The following LIPN variants were observed in gnomAD, a reference collection of about 807,000 sequenced individuals.
LIPN encodes lipase family member N.
Under a neutral mutation model 43.7 loss-of-function variants are expected in LIPN, and 32 were observed. The ratio of observed to expected loss-of-function variants is 0.73; its 90% CI spans 0.55 to 0.98. The LOEUF is 0.98. Among genes scored for constraint, LIPN ranks in the 50% least tolerant of loss-of-function variants. LIPN has a pLI of 0.00. For missense variants in LIPN, 505 were observed against 483.8 expected (o/e 1.04, Z -0.41); for synonymous variants, 156 against 157.6 (o/e 0.99, Z 0.08).
chr10:88,766,671 G>A (rs1358673433), intron 5 of LIPN, among the ~76,000 whole-genome samples: 2 of 151,934 alleles, frequency 1.3e-5, no homozygotes, highest in Non-Finnish European at 2.9e-5. Context: ...ATTCCACAGA[G>A]TAAGTTTCTA....
chr10:88,775,799 C>A (rs1423153428), intron 9 of LIPN, among the ~76,000 whole-genome samples: 1 of 151,922 alleles, frequency 6.6e-6, no homozygotes, highest in Non-Finnish European at 1.5e-5. Flanking sequence ...ATGAACTAAG[C>A]AAACTAAATT....
intron 6 of LIPN, 112 bp from the exon 7 acceptor site, chr10:88,770,733 T>C (rs1843191067): frequency 3.3e-6 from 2 of 601,482 alleles, no homozygotes; most frequent in East Asian, 5.9e-5. Flanking sequence ...GTTGTCCTTG[T>C]TGTTGCTATT....
At chr10:88,776,483 A>C (rs1044606987) in intron 9 of LIPN, among the ~76,000 whole-genome samples, 1 of 152,114 alleles carries the variant, frequency 6.6e-6, no homozygotes, top group Non-Finnish European at 1.5e-5. Flanking sequence ...ATTTGTCCAC[A>C]GTTAGCTGGT....
At chr10:88,764,140 T>C (rs1342562742) in intron 3 of LIPN, among the ~76,000 whole-genome samples, 1 of 151,904 alleles carries the variant, frequency 6.6e-6, no homozygotes, top group East Asian at 1.9e-4. Flanking sequence ...GTTTATAGAG[T>C]TGTTGCAAGA....
At chr10:88,773,758 T>C (rs761931452) in intron 7 of LIPN, among the ~76,000 whole-genome samples, 3 of 151,968 alleles carry the variant, frequency 2.0e-5, no homozygotes, top group Non-Finnish European at 4.4e-5. Context: ...CTGAAACCCA[T>C]AAGGAACCAT....
At chr10:88,766,433 G>A (rs1001998053) in intron 5 of LIPN, 55 bp downstream of exon 5, 2 of 1,008,238 alleles carry the variant, frequency 2.0e-6, no homozygotes, top group African/African-American at 3.2e-5. Flanking sequence ...TTTTCTCAGA[G>A]TCTTACAGGA....
chr10:88,772,980 C>T (rs1039229344), intron 7 of LIPN, among the ~76,000 whole-genome samples: 1 of 150,986 alleles, frequency 6.6e-6, no homozygotes, highest in African/African-American at 2.4e-5. Flanking sequence ...AACTATAAAA[C>T]ACTGATGAAA....
intron 5 of LIPN, among the ~76,000 whole-genome samples, chr10:88,766,991 C>CTTCTTAATTTACTTACTT (rs1394468237): frequency 6.6e-6 from 1 of 151,914 alleles, no homozygotes; most frequent in African/African-American, 2.4e-5. Flanking sequence ...TGACAACTTA[C>CTTCTTAATTTACTTACTT]TTCTTAATTT....
At chr10:88,766,414 G>A (rs1303746821) in intron 5 of LIPN, 36 bp downstream of exon 5, 2 of 1,261,190 alleles carry the variant, frequency 1.6e-6, no homozygotes, top group African/African-American at 1.5e-5. Context: ...GTGTGTTTTT[G>A]AGGGTCAGTT....
chr10:88,762,806 C>T (rs1214822853), intron 3 of LIPN, among the ~76,000 whole-genome samples: 4 of 152,032 alleles, frequency 2.6e-5, no homozygotes, highest in Admixed American at 1.3e-4. Context: ...AAAACCTTAA[C>T]ATCCACATAC....
intron 6 of LIPN, 114 bp from the exon 7 acceptor site, chr10:88,770,728 CCTT>C: frequency 1.7e-6 from 1 of 583,552 alleles, no homozygotes; most frequent in South Asian, 3.0e-5. Flanking sequence ...GGCTTGTTGT[CCTT>C]GTTGTTGCTA....
rs939827679 is a variant in LIPN, at chr10:88,778,890, C to A, written c.*648C>A. 6.6e-6 allele frequency among the ~76,000 whole-genome samples: 1 copy of A among 152,236 alleles called. No individual in the cohort carries two copies. Among genetic ancestry groups the A allele is most frequent in the South Asian group, 2.1e-4 (1 of 4,832 alleles). ...CTTATTAAAGCAGAAATAAATTGTA[C>A]AGCATCAATATCATTTTATAATCAT... On this transcript the variant is annotated 3_prime_UTR_variant, in exon 10 of 10. Transcript: ENST00000404459.
intron 7 of LIPN, among the ~76,000 whole-genome samples, chr10:88,773,351 T>C (rs974877941): frequency 5.3e-5 from 8 of 151,898 alleles, no homozygotes; most frequent in African/African-American, 1.9e-4. Context: ...CTTACTACAG[T>C]CAATTTGAAT....
intron 5 of LIPN, 120 bp downstream of exon 5, chr10:88,766,498 T>C (rs1221289745): frequency 1.4e-6 from 1 of 713,218 alleles, no homozygotes; most frequent in Non-Finnish European, 2.5e-6. Context: ...CTCAATTCCC[T>C]GTCCTCTGCT....
rs1843094797 is a variant in LIPN, at chr10:88,766,271, T to A, written c.428T>A (p.Phe143Tyr). 1 of 1,556,518 alleles carries A rather than the reference T, an allele frequency of 6.4e-7. No individual in the cohort carries two copies. The highest frequency in any genetic ancestry group is 8.8e-7 in the Non-Finnish European group (1 of 1,132,146). The change falls in exon 5 of 10, where the codon TTT becomes TAT. Residue 143 changes from phenylalanine (F) to tyrosine (Y), a missense_variant and splice_region_variant. Coordinates refer to ENST00000404459, the MANE Select transcript of LIPN (RefSeq NM_001102469.2). ...ETDEKFWAFSFDEMAKYDLPG... is the reference protein window; with the variant it reads ...ETDEKFWAFSYDEMAKYDLPG... The stretch of plus-strand genomic sequence containing the variant: ...AAAGCCCCTGTTTTATTTTGCAGTT[T>A]TGATGAAATGGCCAAATATGATCTC...
chr10:88,774,511 T>C lies in LIPN; in HGVS notation c.858T>C (p.Gly286=), dbSNP rs1286246198. Residue 286 remains glycine, a synonymous_variant, in exon 8 of 10, where the codon GGT becomes GGC. Coordinates refer to ENST00000404459, the MANE Select transcript of LIPN (RefSeq NM_001102469.2). ...TGTATATGTCACATGCTCCCACTGG[T>C]TCATCAGTACACAACATTCTGCATA... ...MDVYMSHAPT[G]SSVHNILHIK... 2 of 1,611,290 alleles carry C rather than the reference T, an allele frequency of 1.2e-6. No homozygotes were observed. Among genetic ancestry groups the C allele is most frequent in the Non-Finnish European group, 1.7e-6 (2 of 1,178,062 alleles).
intron 1 of LIPN, among the ~76,000 whole-genome samples, chr10:88,760,750 G>A (rs751806479): frequency 6.6e-6 from 1 of 152,080 alleles, no homozygotes; most frequent in Non-Finnish European, 1.5e-5. Context: ...TTCTTCTGTG[G>A]TGAGGCTGGA....
In LIPN at chr10:88,778,334, GCACC is replaced by G; in HGVS notation, c.*94_*97del. 2.8e-5 allele frequency: 24 copies of G among 851,894 alleles called. No homozygotes were observed. Among genetic ancestry groups the G allele is most frequent in the Non-Finnish European group, 3.9e-5 (21 of 540,094 alleles). The allele number at this position is 851,894 out of a possible 1,614,324, so 52.8% of individuals were successfully genotyped here. A position where few individuals can be genotyped will look rare whatever the true frequency, so the allele number is the denominator to read the frequency against. On this transcript the variant is annotated 3_prime_UTR_variant, in exon 10 of 10. Transcript: ENST00000404459. The stretch of plus-strand genomic sequence containing the variant: ...TAACCAACAATGAGGTTGTCCCCCA[GCACC>G]CTGGGGGAGATGCACAGTGGAGTCT...
At chr10:88,764,665 A>T in intron 4 of LIPN, 57 bp downstream of exon 4, 1 of 1,223,592 alleles carries the variant, frequency 8.2e-7, no homozygotes, top group Non-Finnish European at 1.1e-6. Flanking sequence ...AAAAAAAATA[A>T]CGTGGACGCT....
Sources: gnomAD v4.1 joint callset for allele counts (sites outside exome capture counted in the v4.1 genomes callset) on GRCh38, gnomAD v4.1.1 for gene constraint, MANE v1.5 for transcripts, NCBI Gene and HGNC (gene_info 2026-07-23, HGNC 2026-07-21) for gene names.